Variants in GABRG1 observed in about 807,000 individuals in gnomAD.
GABRG1 encodes the protein gamma-aminobutyric acid type A receptor subunit gamma1, also known as gamma-aminobutyric acid receptor subunit gamma-1.
A neutral mutation model predicts 49.8 loss-of-function variants in GABRG1; 49 were observed. The observed-to-expected ratio is 0.98, with a 90% confidence interval of 0.78 to 1.25. The LOEUF is 1.25. Ranked by LOEUF, GABRG1 falls within the 50% of genes most tolerant of loss-of-function variation. The pLI is 0.00. For missense variants in GABRG1, 552 were observed against 552.3 expected (o/e 1.00, Z 0.01); for synonymous variants, 232 against 185.1 (o/e 1.25, Z -2.06).
intron 2 of GABRG1, among the ~76,000 whole-genome samples, chr4:46,091,056 T>C (rs1168091907): frequency 2.0e-5 from 3 of 151,672 alleles, no homozygotes; most frequent in African/African-American, 7.3e-5. Flanking sequence ...TTTCCTAAAT[T>C]GTACGTATGT....
At chr4:46,058,180 G>C (rs745868816) in intron 7 of GABRG1, 37 bp downstream of exon 7, 1 of 1,564,406 alleles carries the variant, frequency 6.4e-7, no homozygotes, top group Non-Finnish European at 8.7e-7. Flanking sequence ...ATTTTTTAAA[G>C]TTCTATGGCA....
rs972153341 is a variant in GABRG1 at position 46,113,986 on chromosome 4, G to A, written c.104+9824C>T. ...TGCAATATACTCTATGTCAAGAACTGTAAGAACTAGCTTTTCAAAGGGTAG... is the reference window on the plus strand; with the variant it reads ...TGCAATATACTCTATGTCAAGAACTATAAGAACTAGCTTTTCAAAGGGTAG... On this transcript the variant is annotated intron_variant, in intron 1 of 8. Coordinates refer to ENST00000295452, the MANE Select transcript of GABRG1 (RefSeq NM_173536.4). Among the ~76,000 whole-genome samples the A allele has an allele frequency of 2.0e-5, 3 of 151,012 alleles. No homozygotes were observed. The Admixed American group carries it at 2.0e-4, about 10-fold the overall frequency.
At chr4:46,113,819 T>C (rs1194118480) in intron 1 of GABRG1, among the ~76,000 whole-genome samples, 1 of 151,124 alleles carries the variant, frequency 6.6e-6, no homozygotes, top group Non-Finnish European at 1.5e-5. Flanking sequence ...AATAAATATA[T>C]GTTGTCTCCA....
chr4:46,068,303 G>A (rs1342562282), intron 3 of GABRG1, among the ~76,000 whole-genome samples: 1 of 152,120 alleles, frequency 6.6e-6, no homozygotes, highest in Non-Finnish European at 1.5e-5. Context: ...GGTTGGTAGA[G>A]GGAATGTAAT....
chr4:46,044,985 A>T (rs1361037333), intron 8 of GABRG1, among the ~76,000 whole-genome samples: 1 of 152,116 alleles, frequency 6.6e-6, no homozygotes, highest in Non-Finnish European at 1.5e-5. Context: ...ATCAGATGTC[A>T]TGCCACGCAA....
chr4:46,105,585 G>T (rs1300555878), intron 1 of GABRG1, among the ~76,000 whole-genome samples: 1 of 151,362 alleles, frequency 6.6e-6, no homozygotes, highest in Non-Finnish European at 1.5e-5. Flanking sequence ...AAATTTTTAA[G>T]TTCAGAAAAA....
intron 3 of GABRG1, among the ~76,000 whole-genome samples, chr4:46,065,895 T>TAAAA (rs1718900653): frequency 1.3e-5 from 2 of 152,066 alleles, no homozygotes; most frequent in African/African-American, 2.4e-5. Context: ...GCTAATTTTT[T>TAAAA]GTATTTTTAG....
intron 3 of GABRG1, among the ~76,000 whole-genome samples, chr4:46,069,787 G>T (rs758111633): frequency 6.6e-6 from 1 of 151,758 alleles, no homozygotes; most frequent in Non-Finnish European, 1.5e-5. Flanking sequence ...GAACCTTCTT[G>T]GTATGAACAT....
Position 46,123,823 on chromosome 4 carries a change from G to A in GABRG1, c.91C>T (p.His31Tyr). The A allele has an allele frequency of 6.2e-7, 1 of 1,612,646 alleles. No homozygotes were observed. Among genetic ancestry groups the A allele is most frequent in the South Asian group, 1.1e-5 (1 of 91,044 alleles). The change falls in exon 1 of 9, where the codon CAT becomes TAT. Residue 31 changes from histidine to tyrosine, a missense_variant. Coordinates refer to ENST00000295452, the MANE Select transcript of GABRG1 (RefSeq NM_173536.4). ...VRLVFLLLTL[H>Y]LGNCVDKADD... ...GAATTTACTCACCAGTTTCCCAAAT[G>A]CAGGGTCAGTAACAAGAAGACCAAC...
intron 3 of GABRG1, among the ~76,000 whole-genome samples, chr4:46,081,776 A>C (rs533826751): frequency 6.6e-6 from 1 of 151,982 alleles, no homozygotes; most frequent in Non-Finnish European, 1.5e-5. Context: ...TTTAAAGTCA[A>C]CATGCGGCTT....
At chr4:46,084,702 AAC>A (rs1719690734) in intron 2 of GABRG1, among the ~76,000 whole-genome samples, 1 of 151,748 alleles carries the variant, frequency 6.6e-6, no homozygotes, top group African/African-American at 2.4e-5. Context: ...CGTATTTAAT[AAC>A]ACAGATTTAA....
intron 8 of GABRG1, among the ~76,000 whole-genome samples, chr4:46,048,420 A>AAGGAAGGAAGGT (rs1166849684): frequency 1.4e-5 from 2 of 140,042 alleles, no homozygotes; most frequent in African/African-American, 5.5e-5. Context: ...GGAAGGAAGG[A>AAGGAAGGAAGGT]AGGTTCTTCC....
chr4:46,088,738 T>TACACAC lies in GABRG1; in HGVS notation c.254-4691_254-4686dup, dbSNP rs3069480. On this transcript the variant is annotated intron_variant, in intron 2 of 8. Coordinates refer to ENST00000295452, the MANE Select transcript of GABRG1 (RefSeq NM_173536.4). The stretch of plus-strand genomic sequence containing the variant: ...GTATAGTGTATATCCCACTATAAAA[T>TACACAC]ACACACACACACACACACACACACA... Among the ~76,000 whole-genome samples, 1,114 of 142,840 alleles carry TACACAC rather than the reference T, an allele frequency of 7.8e-3. 20 individuals are homozygous for TACACAC. Among genetic ancestry groups the TACACAC allele is most frequent in the South Asian group, 0.063 (279 of 4,398 alleles). The allele number at this position is 142,840 out of a possible 152,430, so 93.7% of individuals were successfully genotyped here.
intron 8 of GABRG1, among the ~76,000 whole-genome samples, chr4:46,047,836 A>G (rs981881767): frequency 2.0e-5 from 3 of 152,026 alleles, no homozygotes; most frequent in Admixed American, 2.0e-4. Context: ...TTATGTTTGT[A>G]TTTGCGATGC....
intron 3 of GABRG1, among the ~76,000 whole-genome samples, chr4:46,079,388 C>T (rs939484080): frequency 1.3e-5 from 2 of 151,874 alleles, no homozygotes; most frequent in South Asian, 2.1e-4. Flanking sequence ...GAAGATTCTA[C>T]CCAGTTTCAA....
chr4:46,064,073 G>T (rs750421843), intron 5 of GABRG1, among the ~76,000 whole-genome samples: 6 of 151,998 alleles, frequency 3.9e-5, no homozygotes, highest in Non-Finnish European at 8.8e-5. Context: ...ATGTAATAAA[G>T]TTAAATCTTG....
At chr4:46,069,166 T>G (rs1577645471) in intron 3 of GABRG1, among the ~76,000 whole-genome samples, 1 of 152,192 alleles carries the variant, frequency 6.6e-6, no homozygotes, top group East Asian at 1.9e-4. Flanking sequence ...TGGGAGAAAC[T>G]TCACAAAAAA....
intron 1 of GABRG1, among the ~76,000 whole-genome samples, chr4:46,120,306 C>T (rs1348008041): frequency 6.6e-6 from 1 of 151,444 alleles, no homozygotes; most frequent in African/African-American, 2.4e-5. Context: ...TTCTTTTCAC[C>T]CCTCCTTTGG....
intron 8 of GABRG1, among the ~76,000 whole-genome samples, chr4:46,043,586 C>T (rs1471663723): frequency 6.6e-6 from 1 of 151,974 alleles, no homozygotes; most frequent in African/African-American, 2.4e-5. Flanking sequence ...TCTTATTTAT[C>T]TGAAGTGCAG....
Sources: allele counts gnomAD v4.1 joint callset (sites outside exome capture counted in the v4.1 genomes callset), GRCh38; gene constraint gnomAD v4.1.1; transcripts MANE v1.5; gene names NCBI Gene and HGNC (gene_info 2026-07-23, HGNC 2026-07-21).